Variants in SMARCA2 observed in about 807,000 individuals in gnomAD.
The protein encoded by SMARCA2 is SWI/SNF-related matrix-associated actin-dependent regulator of chromatin subfamily A member 2.
A neutral mutation model predicts 199.8 loss-of-function variants in SMARCA2; 61 were observed. The observed-to-expected ratio is 0.31, with a 90% confidence interval of 0.25 to 0.38. The LOEUF (loss-of-function observed/expected upper bound fraction) is 0.38. SMARCA2 is among the 10% of genes least tolerant of loss of function. SMARCA2 has a pLI of 1.00. For synonymous variants in SMARCA2, 935 were observed against 732.0 expected (o/e 1.28, Z -4.48); for missense variants, 1,344 against 2,012.2 (o/e 0.67, Z 6.35).
chr9:2,072,862 C>G (rs892112426), intron 10 of SMARCA2, among the ~76,000 whole-genome samples: 1 of 152,184 alleles, frequency 6.6e-6, no homozygotes, highest in Admixed American at 6.5e-5. Flanking sequence ...TTTGACAGAG[C>G]CATTACCGCT....
At position 2,185,995 on chromosome 9, in the gene SMARCA2, C is replaced by G; in HGVS notation, c.4462-101C>G. The G allele has an allele frequency of 1.0e-5, 12 of 1,189,074 alleles. No homozygotes were observed. In the South Asian group the frequency reaches 1.8e-4, roughly 18 times the overall value. 73.7% of individuals were successfully genotyped at this position (1,189,074 alleles called of 1,614,324 possible). A position where few individuals can be genotyped will look rare whatever the true frequency, so the allele number is the denominator to read the frequency against. On this transcript the variant is annotated intron_variant, in intron 31 of 33. Coordinates refer to ENST00000349721, the MANE Select transcript of SMARCA2 (RefSeq NM_003070.5). ...ATAAAAGCTAACGGTGACATTTCTA[C>G]TAAAATTCATGTGAATTAAGCTGGT...
intron 29 of SMARCA2, among the ~76,000 whole-genome samples, chr9:2,178,638 G>A (rs890714507): frequency 6.6e-6 from 1 of 151,376 alleles, no homozygotes. Context: ...TTAAAAAAAA[G>A]CCCTCGCTCA....
intron 27 of SMARCA2, among the ~76,000 whole-genome samples, chr9:2,145,329 A>G (rs1009387609): frequency 6.7e-6 from 1 of 148,568 alleles, no homozygotes; most frequent in Non-Finnish European, 1.5e-5. Context: ...AAAAAAAAAA[A>G]GAGAGAGAAA....
At chr9:2,149,980 C>G (rs909891551) in intron 27 of SMARCA2, among the ~76,000 whole-genome samples, 10 of 151,334 alleles carry the variant, frequency 6.6e-5, no homozygotes, top group African/African-American at 2.2e-4. Flanking sequence ...TAACTAGAAC[C>G]AGACACTCCT....
intron 27 of SMARCA2, among the ~76,000 whole-genome samples, chr9:2,130,187 A>G (rs571468008): frequency 1.3e-5 from 2 of 152,298 alleles, no homozygotes; most frequent in Admixed American, 6.5e-5. Flanking sequence ...AGGTAGTAAT[A>G]TATTCAATCC....
intron 4 of SMARCA2, chr9:2,042,290 G>A (rs372428430): frequency 3.3e-5 from 5 of 152,208 alleles, no homozygotes; most frequent in African/African-American, 1.2e-4. Context: ...ATGGAGAGGA[G>A]GGATCAGAAC....
At chr9:2,127,698 C>A (rs1008600194) in intron 27 of SMARCA2, among the ~76,000 whole-genome samples, 1 of 152,234 alleles carries the variant, frequency 6.6e-6, no homozygotes, top group East Asian at 1.9e-4. Flanking sequence ...TGTGGTCTGG[C>A]TGTGAGCCCA....
In SMARCA2 at chr9:2,191,300, A is replaced by G; in HGVS notation, c.4629A>G (p.Lys1543=). 6.2e-7 allele frequency: 1 copy of G among 1,614,204 alleles called. No homozygotes were observed. The highest frequency in any genetic ancestry group is 8.5e-7 in the Non-Finnish European group (1 of 1,180,030). Residue 1543 remains lysine (K), a synonymous_variant, in exon 33 of 34, where the codon AAA becomes AAG. Coordinates refer to ENST00000349721, the MANE Select transcript of SMARCA2 (RefSeq NM_003070.5). ...KSVKVKIKLN[K]KDDKGRDKGK... is the part of the protein sequence containing the mutation. ...TCAAGGTGAAAATTAAGCTCAATAA[A>G]AAAGATGACAAAGGCCGGGACAAAG...
chr9:2,035,760 G>A (rs369548187), intron 3 of SMARCA2, among the ~76,000 whole-genome samples: 1 of 152,168 alleles, frequency 6.6e-6, no homozygotes, highest in South Asian at 2.1e-4. Context: ...CTGCATTAAA[G>A]GGAATCAGAA....
At position 2,073,325 on chromosome 9, in the gene SMARCA2, G is replaced by T. The variant is rs1821171102; in HGVS notation, c.1860G>T (p.Trp620Cys). ...EAPKASQLDA[W>C]LEMNPGYEVA... ...CCAAAGCAAGTCAGCTGGACGCCTG[G>T]CTGGAAATGAATCCTGGGTAAGGCA... Residue 620 changes from tryptophan to cysteine, a missense_variant, in exon 11 of 34, where the codon TGG becomes TGT. By Grantham distance (215) the Trp-to-Cys change is radical. Around this residue, in one of 18 missense-constraint regions of SMARCA2, gnomAD observed 106 missense variants for 179.7 expected, o/e 0.59. Coordinates refer to ENST00000349721, the MANE Select transcript of SMARCA2 (RefSeq NM_003070.5). The T allele has an allele frequency of 6.2e-7, 1 of 1,614,094 alleles. No homozygotes were observed.
chr9:2,059,795 C>T (rs961548669), intron 8 of SMARCA2, among the ~76,000 whole-genome samples: 2 of 152,082 alleles, frequency 1.3e-5, no homozygotes, highest in African/African-American at 2.4e-5. Flanking sequence ...GAGTGACACC[C>T]CTGGACAAAA....
intron 19 of SMARCA2, among the ~76,000 whole-genome samples, chr9:2,089,419 T>C (rs1821954150): frequency 6.6e-6 from 1 of 152,144 alleles, no homozygotes; most frequent in East Asian, 1.9e-4. Flanking sequence ...AAGAGCCAAT[T>C]CTGAAATGTC....
intron 32 of SMARCA2, among the ~76,000 whole-genome samples, chr9:2,188,136 T>C (rs751654349): frequency 6.6e-6 from 1 of 152,204 alleles, no homozygotes; most frequent in African/African-American, 2.4e-5. Flanking sequence ...TTTGTACTTA[T>C]TATGAACACT....
chr9:2,055,438 G>T (rs1329494988), intron 6 of SMARCA2: 1 of 152,188 alleles, frequency 6.6e-6, no homozygotes, highest in East Asian at 1.9e-4. Context: ...TTGCTAGTCC[G>T]CAGATTGCCT....
intron 29 of SMARCA2, among the ~76,000 whole-genome samples, chr9:2,174,161 C>G (rs528387625): frequency 9.2e-5 from 14 of 152,250 alleles, no homozygotes; most frequent in African/African-American, 2.9e-4. Context: ...TGAAGCCCCT[C>G]TTTCGAGGGT....
At chr9:2,138,317 T>C (rs1824306306) in intron 27 of SMARCA2, among the ~76,000 whole-genome samples, 1 of 152,132 alleles carries the variant, frequency 6.6e-6, no homozygotes. Context: ...TTCTTTTATG[T>C]TAAAGAATGA....
chr9:2,068,316 T>C (rs1820933055), intron 9 of SMARCA2, among the ~76,000 whole-genome samples: 1 of 152,220 alleles, frequency 6.6e-6, no homozygotes, highest in Non-Finnish European at 1.5e-5. Context: ...AGAAATTTAA[T>C]TACTTGGAAA....
At chr9:2,166,664 G>C (rs985569474) in intron 28 of SMARCA2, among the ~76,000 whole-genome samples, 1 of 152,100 alleles carries the variant, frequency 6.6e-6, no homozygotes, top group African/African-American at 2.4e-5. Context: ...CCAAAGATTT[G>C]ATATAAGCTA....
In SMARCA2 at chr9:2,169,969, G is replaced by C. The variant is rs1586784973; in HGVS notation, c.4200-450G>C. Among the ~76,000 whole-genome samples, 1 of 152,134 alleles carries C rather than the reference G, an allele frequency of 6.6e-6. No individual in the cohort carries two copies. The highest frequency in any genetic ancestry group is 6.6e-5 in the Admixed American group (1 of 15,264). Reference sequence around the variant, plus strand: ...TGCTTGGAATACCTTCTTTGTGCAGGCTACTGTAAGAAAGCACTTTATCCT... The same window carrying C: ...TGCTTGGAATACCTTCTTTGTGCAGCCTACTGTAAGAAAGCACTTTATCCT... On this transcript the variant is annotated intron_variant, in intron 28 of 33. Coordinates refer to ENST00000349721, the MANE Select transcript of SMARCA2 (RefSeq NM_003070.5). This position sits in a 1 kb window ranked among gnomAD's most constrained non-coding sequence, Gnocchi z 6.5.
Sources: gnomAD v4.1 joint callset for allele counts (sites outside exome capture counted in the v4.1 genomes callset) on GRCh38, gnomAD v4.1.1 for gene constraint, gnomAD v4.1.1 regional missense constraint, Gnocchi (gnomAD v3.1) non-coding constraint, MANE v1.5 for transcripts, NCBI Gene and HGNC (gene_info 2026-07-23, HGNC 2026-07-21) for gene names.